Variants in RIC8B observed in about 807,000 individuals in gnomAD.
RIC8B encodes the protein chaperone Ric-8B.
A neutral mutation model predicts 57.5 loss-of-function variants in RIC8B; 16 were observed. The ratio of observed to expected loss-of-function variants is 0.28; its 90% CI spans 0.19 to 0.42. The LOEUF (loss-of-function observed/expected upper bound fraction) is 0.42, where lower values mean the gene tolerates loss of function less well. Ranked by LOEUF, RIC8B falls within the 10% of genes least tolerant of loss-of-function variation. The pLI is 1.00. For missense variants in RIC8B, 481 were observed against 677.0 expected (o/e 0.71, Z 3.21); for synonymous variants, 216 against 250.8 (o/e 0.86, Z 1.31).
chr12:106,861,357 C>G (rs1030158322), intron 8 of RIC8B, among the ~76,000 whole-genome samples: 1 of 151,928 alleles, frequency 6.6e-6, no homozygotes, highest in African/African-American at 2.4e-5. Context: ...TACATTGTGC[C>G]TTGTTGACAT....
intron 9 of RIC8B, chr12:106,873,221 G>A (rs1950522555): frequency 1.0e-6 from 1 of 981,476 alleles, no homozygotes; most frequent in Non-Finnish European, 1.2e-6. Context: ...TATGTCTTAT[G>A]TTGGCTTTGA....
intron 4 of RIC8B, among the ~76,000 whole-genome samples, chr12:106,833,251 G>A (rs1250177418): frequency 1.3e-5 from 2 of 152,016 alleles, no homozygotes; most frequent in African/African-American, 2.4e-5. Flanking sequence ...AATAAAAAGG[G>A]ATAACATAGA....
At position 106,814,887 on chromosome 12, in the gene RIC8B, A is replaced by G. The variant is rs1015033788; in HGVS notation, c.324A>G (p.Val108=). The change falls in exon 3 of 10, where the codon GTA becomes GTG. Residue 108 remains valine (V), a synonymous_variant. Coordinates refer to ENST00000392837, the MANE Select transcript of RIC8B (RefSeq NM_001330145.2). ...LNELDDSLEK[V]SEFPVIVESL... ...AGTTAGATGATTCTTTGGAGAAAGT[A>G]TCAGAGTTCCCAGTTATTGTGGAGT... The G allele has an allele frequency of 5.6e-6, 9 of 1,614,204 alleles. No homozygotes were observed. Among genetic ancestry groups the G allele is most frequent in the Non-Finnish European group, 7.6e-6 (9 of 1,180,018 alleles).
intron 3 of RIC8B, chr12:106,823,506 T>C: frequency 2.2e-6 from 1 of 453,940 alleles, no homozygotes; most frequent in Admixed American, 2.4e-5. Context: ...ATGGATAGAT[T>C]TCCAAAAGTC....
chr12:106,813,219 T>A (rs1229045001), intron 2 of RIC8B, among the ~76,000 whole-genome samples: 1 of 128,096 alleles, frequency 7.8e-6, no homozygotes, highest in Non-Finnish European at 1.6e-5. Flanking sequence ...TGAGACAGAG[T>A]CTCGCTCTGT....
At chr12:106,840,829 G>A (rs1487893378) in intron 4 of RIC8B, among the ~76,000 whole-genome samples, 1 of 152,080 alleles carries the variant, frequency 6.6e-6, no homozygotes, top group South Asian at 2.1e-4. Flanking sequence ...TTTTCAATCT[G>A]GTCTCTGGTA....
intron 1 of RIC8B, among the ~76,000 whole-genome samples, chr12:106,780,159 A>T (rs1475786401): frequency 6.6e-6 from 1 of 152,136 alleles, no homozygotes; most frequent in African/African-American, 2.4e-5. Flanking sequence ...AGGAGCCTCA[A>T]AGATAATAGG....
In RIC8B at chr12:106,815,156, G is replaced by C; in HGVS notation, c.593G>C (p.Ser198Thr). ...GLPLLTQILESAFSIKWTDEY... is the reference protein window; with the variant it reads ...GLPLLTQILETAFSIKWTDEY... ...CCGCTGCTAACGCAGATCTTGGAAA[G>C]TGCCTTTAGCATCAAGTGGACCGAT... The change falls in exon 3 of 10, where the codon AGT becomes ACT. Residue 198 changes from serine to threonine, a missense_variant. This residue lies in a region of RIC8B where 421 missense variants were observed against 560.9 expected (regional missense o/e 0.75). Transcript: ENST00000392837. The C allele has an allele frequency of 6.2e-7, 1 of 1,614,246 alleles. No individual in the cohort carries two copies. The highest frequency in any genetic ancestry group is 8.5e-7 in the Non-Finnish European group (1 of 1,180,036).
At chr12:106,827,759 T>C (rs2046173784) in intron 4 of RIC8B, among the ~76,000 whole-genome samples, 1 of 152,244 alleles carries the variant, frequency 6.6e-6, no homozygotes, top group African/African-American at 2.4e-5. Context: ...TGACCCACTG[T>C]AATTTTTTTC....
At chr12:106,792,458 G>A (rs1014246749) in intron 2 of RIC8B, among the ~76,000 whole-genome samples, 1 of 152,160 alleles carries the variant, frequency 6.6e-6, no homozygotes, top group Non-Finnish European at 1.5e-5. Flanking sequence ...AGTTTCAGGT[G>A]CATTTTCTCA....
intron 2 of RIC8B, among the ~76,000 whole-genome samples, chr12:106,803,215 C>CAAAAAAAAAAAAAAAAAA (rs55853235): frequency 1.7e-4 from 14 of 84,010 alleles, no homozygotes; most frequent in African/African-American, 5.9e-4. Context: ...TACCCTGTCT[C>CAAAAAAAAAAAAAAAAAA]AAAAAAAAAA....
At chr12:106,859,848 TGAGA>T (rs552083739) in intron 7 of RIC8B, among the ~76,000 whole-genome samples, 190 of 152,312 alleles carry the variant, frequency 1.2e-3, no homozygotes, top group African/African-American at 3.6e-3. Flanking sequence ...CAACAAAGAA[TGAGA>T]GAGAGATTTT....
At chr12:106,780,914 G>A (rs2043736045) in intron 1 of RIC8B, among the ~76,000 whole-genome samples, 1 of 152,044 alleles carries the variant, frequency 6.6e-6, no homozygotes, top group African/African-American at 2.4e-5. Context: ...AGGAAAATTT[G>A]ATAGGTAGTA....
At chr12:106,824,322 G>T (rs1011938205) in intron 3 of RIC8B, among the ~76,000 whole-genome samples, 1 of 152,234 alleles carries the variant, frequency 6.6e-6, no homozygotes, top group African/African-American at 2.4e-5. Context: ...TATACGACTT[G>T]TCTAAAGTGC....
intron 3 of RIC8B, among the ~76,000 whole-genome samples, chr12:106,821,797 G>A (rs962317012): frequency 1.3e-5 from 2 of 151,900 alleles, no homozygotes; most frequent in South Asian, 2.1e-4. Context: ...AGCAAAGGGC[G>A]TTCAGGTGCG....
At chr12:106,775,015 T>G in intron 1 of RIC8B, 186 bp downstream of exon 1, 1 of 573,426 alleles carries the variant, frequency 1.7e-6, no homozygotes, top group Non-Finnish European at 3.2e-6. Context: ...TGCATCCCAC[T>G]ACCCCCACTG....
intron 2 of RIC8B, among the ~76,000 whole-genome samples, chr12:106,795,948 A>AT (rs2044461245): frequency 6.6e-6 from 1 of 152,236 alleles, no homozygotes; most frequent in South Asian, 2.1e-4. Context: ...GACTAAGGAC[A>AT]TAACTCATAC....
chr12:106,859,656 G>A (rs1414350219), intron 7 of RIC8B, among the ~76,000 whole-genome samples: 1 of 152,026 alleles, frequency 6.6e-6, no homozygotes, highest in Non-Finnish European at 1.5e-5. Context: ...ATTAGTAATT[G>A]GTAGAGCCAG....
At chr12:106,826,508 C>CT (rs2136334040) in intron 4 of RIC8B, among the ~76,000 whole-genome samples, 1 of 152,294 alleles carries the variant, frequency 6.6e-6, no homozygotes, top group Non-Finnish European at 1.5e-5. Flanking sequence ...AAACCCAACA[C>CT]TTTGGGAGTC....
Sources: allele counts gnomAD v4.1 joint callset (sites outside exome capture counted in the v4.1 genomes callset), GRCh38; gene constraint gnomAD v4.1.1; regional missense constraint gnomAD v4.1.1; transcripts MANE v1.5; gene names NCBI Gene and HGNC (gene_info 2026-07-23, HGNC 2026-07-21).